MEIS2: variants seen among roughly 807,000 people sequenced by gnomAD.
The protein encoded by MEIS2 is Meis homeobox 2.
Under a neutral mutation model 58.6 loss-of-function variants are expected in MEIS2, and 9 were observed. That is an observed-to-expected ratio of 0.15 (90% CI 0.09 to 0.27). The LOEUF (loss-of-function observed/expected upper bound fraction) is 0.27, where lower values mean the gene tolerates loss of function less well. MEIS2 is among the 10% of genes least tolerant of loss of function. The pLI is 1.00. For synonymous variants in MEIS2, 221 were observed against 228.4 expected (o/e 0.97, Z 0.29); for missense variants, 427 against 635.0 (o/e 0.67, Z 3.52).
intron 8 of MEIS2, among the ~76,000 whole-genome samples, chr15:36,991,652 CT>C (rs2060279407): frequency 6.6e-6 from 1 of 151,124 alleles, no homozygotes; most frequent in Non-Finnish European, 1.5e-5. Context: ...ATGCTATAGT[CT>C]AGGATGCTTT....
At position 36,895,605 on chromosome 15, in the gene MEIS2, AG is replaced by A. The variant is rs1595667804; in HGVS notation, c.1037-345del. ...TGTACCATTTGGTTGGGATTCTCTG[AG>A]GCTGCCATCTCTGGTGGCTTAATAC... On this transcript the variant is annotated intron_variant, in intron 10 of 11. Coordinates refer to ENST00000561208, the MANE Select transcript of MEIS2 (RefSeq NM_170675.5). Among the ~76,000 whole-genome samples, 3 of 152,320 alleles carry A rather than the reference AG, an allele frequency of 2.0e-5. No individual in the cohort carries two copies. In the East Asian group the frequency reaches 5.8e-4, roughly 29 times the overall value.
In MEIS2 at chr15:37,036,731, T is replaced by A; in HGVS notation, c.900+83A>T. 6 of 1,411,998 alleles carry A rather than the reference T, an allele frequency of 4.2e-6. No individual in the cohort carries two copies. The East Asian group carries it at 7.3e-5, about 17-fold the overall frequency. 87.5% of individuals were successfully genotyped at this position (1,411,998 alleles called of 1,614,324 possible). ...GAATAAGAAAATAGGCACCTTAGTTTAAAAAAAAATCAGTATGAGACCGTA... is the reference window on the plus strand; with the variant it reads ...GAATAAGAAAATAGGCACCTTAGTTAAAAAAAAAATCAGTATGAGACCGTA... On this transcript the variant is annotated intron_variant, in intron 8 of 11. Transcript: ENST00000561208.
intron 8 of MEIS2, among the ~76,000 whole-genome samples, chr15:36,961,865 T>C (rs1013739744): frequency 1.3e-5 from 2 of 152,214 alleles, no homozygotes; most frequent in African/African-American, 2.4e-5. Flanking sequence ...TAGAAAGCAA[T>C]AGCTATTTCT....
At chr15:37,011,613 T>G (rs1188573164) in intron 8 of MEIS2, among the ~76,000 whole-genome samples, 1 of 120,352 alleles carries the variant, frequency 8.3e-6, no homozygotes, top group South Asian at 3.2e-4. Context: ...AGTGGTTTTT[T>G]TTTTTTTTTT....
At chr15:36,948,872 G>A (rs144903592) in intron 9 of MEIS2, among the ~76,000 whole-genome samples, 1 of 151,954 alleles carries the variant, frequency 6.6e-6, no homozygotes, top group African/African-American at 2.4e-5. Context: ...CAAGTTTTTG[G>A]TCTAAAGGGT....
Position 36,987,929 on chromosome 15 carries a change from C to A in MEIS2, c.901-37529G>T, listed in dbSNP as rs937609314. Reference sequence around the variant, plus strand: ...ACAAAATTTTGGTTCAGCTCTTTTACAATTTTTGATAGGTATAATATTTTA... The same window carrying A: ...ACAAAATTTTGGTTCAGCTCTTTTAAAATTTTTGATAGGTATAATATTTTA... On this transcript the variant is annotated intron_variant, in intron 8 of 11. Transcript: ENST00000561208. Among the ~76,000 whole-genome samples, 3 of 152,244 alleles carry A rather than the reference C, an allele frequency of 2.0e-5. No individual in the cohort carries two copies. In the East Asian group the frequency reaches 5.8e-4, roughly 29 times the overall value.
At chr15:37,072,777 A>T (rs976905044) in intron 7 of MEIS2, among the ~76,000 whole-genome samples, 2 of 152,106 alleles carry the variant, frequency 1.3e-5, no homozygotes, top group East Asian at 3.9e-4. Flanking sequence ...TGCTGCACCC[A>T]TTAACTCGTC....
intron 7 of MEIS2, among the ~76,000 whole-genome samples, chr15:37,077,859 T>C (rs1891618379): frequency 6.6e-6 from 1 of 152,106 alleles, no homozygotes; most frequent in Non-Finnish European, 1.5e-5. Flanking sequence ...CCAGATGGTC[T>C]CTATTGAGAG....
At chr15:36,951,487 A>G (rs969448677) in intron 8 of MEIS2, among the ~76,000 whole-genome samples, 6 of 152,170 alleles carry the variant, frequency 3.9e-5, no homozygotes, top group Non-Finnish European at 1.5e-5. Context: ...TCATTCCAGT[A>G]TTTGAGAGAG....
chr15:37,019,656 G>A (rs914141540), intron 8 of MEIS2, among the ~76,000 whole-genome samples: 1 of 152,196 alleles, frequency 6.6e-6, no homozygotes, highest in Non-Finnish European at 1.5e-5. Context: ...ATGGCCCGTA[G>A]AGGGTAGGGA....
chr15:36,991,771 CTTTTTTTTTTTCTTT>C (rs1342436634), intron 8 of MEIS2, among the ~76,000 whole-genome samples: 7 of 108,634 alleles, frequency 6.4e-5, no homozygotes, highest in Non-Finnish European at 9.0e-5. Flanking sequence ...TGTTAATTTT[CTTTTTTTTTTTCTTT>C]TTTTTTTTTT....
At chr15:37,021,542 A>G (rs2061527546) in intron 8 of MEIS2, among the ~76,000 whole-genome samples, 2 of 152,150 alleles carry the variant, frequency 1.3e-5, no homozygotes, top group Non-Finnish European at 2.9e-5. Context: ...AAATTCATCA[A>G]ACAGAGATGT....
At position 37,099,878 on chromosome 15, in the gene MEIS2, G is replaced by T. The variant is rs1202581382; in HGVS notation, c.-412C>A. 1 of 177,500 alleles carries T rather than the reference G, an allele frequency of 5.6e-6. No homozygotes were observed. Among genetic ancestry groups the T allele is most frequent in the Non-Finnish European group, 1.2e-5 (1 of 84,280 alleles). The allele number at this position is 177,500 out of a possible 1,614,324, so 11.0% of individuals were successfully genotyped here. On this transcript the variant is annotated 5_prime_UTR_variant, in exon 1 of 12. Coordinates refer to ENST00000561208, the MANE Select transcript of MEIS2 (RefSeq NM_170675.5). ...CAAGCCCCCGAACTGAAGGTTACGA[G>T]CGGCCCGTCAGCAGCCCACATGTAA...
At chr15:36,918,122 G>A (rs930603510) in intron 9 of MEIS2, among the ~76,000 whole-genome samples, 1 of 152,128 alleles carries the variant, frequency 6.6e-6, no homozygotes, top group African/African-American at 2.4e-5. Context: ...AGCCACATTT[G>A]TCAAATAAAA....
chr15:37,074,461 A>G (rs1298731442), intron 7 of MEIS2, among the ~76,000 whole-genome samples: 2 of 152,044 alleles, frequency 1.3e-5, no homozygotes, highest in East Asian at 1.9e-4. Flanking sequence ...GATAAAATGT[A>G]CAAATAAAAA....
At chr15:37,095,721 G>T in intron 3 of MEIS2, 107 bp from the exon 4 acceptor site, 5 of 1,514,374 alleles carry the variant, frequency 3.3e-6, no homozygotes, top group Non-Finnish European at 4.5e-6. Context: ...GAGGAAAGGG[G>T]CTTTGGCAAA....
rs1172900933 is a variant in MEIS2 at position 37,097,183 on chromosome 15, C to T, written c.246-753G>A. The T allele has an allele frequency of 3.3e-5, 5 of 152,254 alleles. 1 individual carries two copies. Among genetic ancestry groups the T allele is most frequent in the Non-Finnish European group, 2.9e-5 (2 of 68,070 alleles). 9.4% of individuals were successfully genotyped at this position (152,254 alleles called of 1,614,324 possible). A position where few individuals can be genotyped will look rare whatever the true frequency, so the allele number is the denominator to read the frequency against. On this transcript the variant is annotated intron_variant, in intron 2 of 11. Coordinates refer to ENST00000561208, the MANE Select transcript of MEIS2 (RefSeq NM_170675.5). ...TCCTCCGGGCGGCTTAGCCACACTT[C>T]GGGATGCTTGCGGCCTCTGGCTTGG...
intron 8 of MEIS2, among the ~76,000 whole-genome samples, chr15:36,998,554 C>T (rs1199335639): frequency 1.3e-5 from 2 of 152,022 alleles, no homozygotes; most frequent in African/African-American, 4.8e-5. Flanking sequence ...TCATTCCATG[C>T]TTACTGTCAG....
chr15:37,045,268 T>C (rs1179348173), intron 7 of MEIS2, among the ~76,000 whole-genome samples: 2 of 152,200 alleles, frequency 1.3e-5, no homozygotes, highest in African/African-American at 2.4e-5. Flanking sequence ...AATGTAGTAA[T>C]GGAACTGCAA....
Sources: gnomAD v4.1 joint callset for allele counts (sites outside exome capture counted in the v4.1 genomes callset) on GRCh38, gnomAD v4.1.1 for gene constraint, MANE v1.5 for transcripts, NCBI Gene and HGNC (gene_info 2026-07-23, HGNC 2026-07-21) for gene names.